RAB38: variants seen among roughly 807,000 people sequenced by gnomAD.
RAB38 encodes the protein RAB38, member RAS oncogene family, also known as ras-related protein Rab-38.
Under a neutral mutation model 18.4 loss-of-function variants are expected in RAB38, and 15 were observed. The ratio of observed to expected loss-of-function variants is 0.82; its 90% CI spans 0.55 to 1.26. The LOEUF (loss-of-function observed/expected upper bound fraction) is 1.26, where lower values mean the gene tolerates loss of function less well. Among genes scored for constraint, RAB38 ranks in the 50% most tolerant of loss-of-function variants. The pLI is 0.00. For synonymous variants in RAB38, 101 were observed against 104.4 expected (o/e 0.97, Z 0.20); for missense variants, 294 against 267.4 (o/e 1.10, Z -0.69).
the RAB38 span, among the ~76,000 whole-genome samples, chr11:88,013,207 T>G: frequency 6.6e-6 from 1 of 151,974 alleles, no homozygotes; most frequent in African/African-American, 2.4e-5. Flanking sequence ...TCAGATACCT[T>G]GGAGAATATA....
chr11:88,039,710 T>G, the RAB38 span, among the ~76,000 whole-genome samples: 1 of 152,152 alleles, frequency 6.6e-6, no homozygotes, highest in African/African-American at 2.4e-5. Flanking sequence ...TAAATAGGCA[T>G]GAGAATGGGC....
At chr11:88,022,624 A>AC in the RAB38 span, among the ~76,000 whole-genome samples, 1 of 150,246 alleles carries the variant, frequency 6.7e-6, no homozygotes, top group Non-Finnish European at 1.5e-5. Flanking sequence ...AAAAAAAAAA[A>AC]AAAAAAAACA....
the RAB38 span, among the ~76,000 whole-genome samples, chr11:87,975,862 C>T: frequency 1.3e-5 from 2 of 151,334 alleles, no homozygotes; most frequent in African/African-American, 4.8e-5. Context: ...AAAAGAGAAA[C>T]AACACAAATT....
chr11:88,040,427 A>G, the RAB38 span, among the ~76,000 whole-genome samples: 1 of 152,020 alleles, frequency 6.6e-6, no homozygotes, highest in East Asian at 1.9e-4. Context: ...TAAACAGCTT[A>G]TTTTCAGGCC....
At chr11:88,049,397 G>C in the RAB38 span, among the ~76,000 whole-genome samples, 5 of 152,022 alleles carry the variant, frequency 3.3e-5, no homozygotes, top group South Asian at 6.2e-4. Flanking sequence ...GCTCATCCTG[G>C]CTCAAAAGCT....
chr11:88,078,502 T>TATGTGTGTGTGTGTGTGA, the RAB38 span, among the ~76,000 whole-genome samples: 1 of 19,926 alleles, frequency 5.0e-5, no homozygotes, highest in Non-Finnish European at 8.7e-5. Flanking sequence ...TGTGTATATA[T>TATGTGTGTGTGTGTGTGA]GTGTGTGTGT....
the RAB38 span, among the ~76,000 whole-genome samples, chr11:88,012,699 C>T: frequency 2.0e-5 from 3 of 152,090 alleles, no homozygotes; most frequent in African/African-American, 4.8e-5. Flanking sequence ...CTCTGAAAAG[C>T]TCCTTTGTAC....
At chr11:88,162,969 C>T (rs962856466) in intron 1 of RAB38, among the ~76,000 whole-genome samples, 1 of 152,134 alleles carries the variant, frequency 6.6e-6, no homozygotes, top group African/African-American at 2.4e-5. Flanking sequence ...TAAGGTTGTA[C>T]CCAAGCTCCA....
At chr11:87,954,977 C>CTAAGTAGCGGGTTGGAGTA in the RAB38 span, among the ~76,000 whole-genome samples, 1 of 152,152 alleles carries the variant, frequency 6.6e-6, no homozygotes, top group African/African-American at 2.4e-5. Context: ...ATCATATATA[C>CTAAGTAGCGGGTTGGAGTA]TAAGTAGCGG....
At chr11:87,897,861 T>C in the RAB38 span, among the ~76,000 whole-genome samples, 1 of 151,568 alleles carries the variant, frequency 6.6e-6, no homozygotes, top group Admixed American at 6.6e-5. Context: ...AACACTCGAA[T>C]TGAGCTAAAG....
At chr11:87,810,431 G>T in the RAB38 span, among the ~76,000 whole-genome samples, 1 of 151,934 alleles carries the variant, frequency 6.6e-6, no homozygotes, top group African/African-American at 2.4e-5. Flanking sequence ...ACTTGTCTTT[G>T]GCATCTTTCA....
chr11:88,023,486 C>G, the RAB38 span, among the ~76,000 whole-genome samples: 2 of 151,812 alleles, frequency 1.3e-5, no homozygotes, highest in Non-Finnish European at 2.9e-5. Flanking sequence ...TAGCAATATA[C>G]AGATTCAATT....
chr11:87,963,033 A>G, the RAB38 span, among the ~76,000 whole-genome samples: 1 of 152,178 alleles, frequency 6.6e-6, no homozygotes, highest in South Asian at 2.1e-4. Flanking sequence ...AAAGTCCTTG[A>G]TAAAATGCAG....
intron 2 of RAB38, among the ~76,000 whole-genome samples, chr11:88,142,289 C>T (rs539851873): frequency 2.3e-4 from 35 of 152,368 alleles, no homozygotes; most frequent in African/African-American, 7.9e-4. Flanking sequence ...ACCACAACTC[C>T]TCCACATGGA....
rs1943046447 is a variant in RAB38 at position 88,150,084 on chromosome 11, A to T, written c.203-129T>A. ...GCTTCGTCTTTACTGATAATCTTTA[A>T]AGAGCGAACTAAATATGCAATCATG... is the stretch of plus-strand genomic sequence containing the variant. On this transcript the variant is annotated intron_variant, in intron 1 of 2. Transcript: ENST00000243662. 4 of 960,680 alleles carry T rather than the reference A, an allele frequency of 4.2e-6. No homozygotes were observed. The South Asian group carries it at 4.9e-5, about 12-fold the overall frequency. The allele number at this position is 960,680 out of a possible 1,614,324, so 59.5% of individuals were successfully genotyped here.
chr11:87,971,939 G>T, the RAB38 span, among the ~76,000 whole-genome samples: 2 of 148,772 alleles, frequency 1.3e-5, no homozygotes, highest in Non-Finnish European at 3.0e-5. Context: ...TTTTTTTAAA[G>T]CTATTTAAAA....
chr11:87,930,509 C>G, the RAB38 span, among the ~76,000 whole-genome samples: 26 of 152,110 alleles, frequency 1.7e-4, no homozygotes, highest in South Asian at 1.5e-3. Flanking sequence ...CTCCCATTCT[C>G]TAGGTTGCCT....
the RAB38 span, among the ~76,000 whole-genome samples, chr11:88,006,601 A>G: frequency 1.5e-5 from 2 of 134,778 alleles, no homozygotes; most frequent in African/African-American, 5.3e-5. Flanking sequence ...TATAATATAT[A>G]TACACATTAT....
At chr11:88,066,244 T>C in the RAB38 span, among the ~76,000 whole-genome samples, 4 of 152,250 alleles carry the variant, frequency 2.6e-5, no homozygotes, top group Non-Finnish European at 1.5e-5. Context: ...ATTGAGGTAC[T>C]GTTTGTATAT....
Sources: allele counts gnomAD v4.1 joint callset (sites outside exome capture counted in the v4.1 genomes callset), GRCh38; gene constraint gnomAD v4.1.1; transcripts MANE v1.5; gene names NCBI Gene and HGNC (gene_info 2026-07-23, HGNC 2026-07-21).